The following CLASP2 variants were observed in gnomAD, a reference collection of about 807,000 sequenced individuals.
CLASP2 encodes cytoplasmic linker associated protein 2.
A neutral mutation model predicts 194.4 loss-of-function variants in CLASP2; 47 were observed. The observed-to-expected ratio is 0.24, with a 90% CI of 0.19 to 0.31. The LOEUF (loss-of-function observed/expected upper bound fraction) is 0.31, where lower values mean the gene tolerates loss of function less well. CLASP2 is among the 10% of genes least tolerant of loss of function. The probability of loss-of-function intolerance (pLI) is 1.00; values close to 1 mark genes in which losing one functional copy is unlikely to be tolerated. For missense variants in CLASP2, 1,445 were observed against 1,823.6 expected, an observed-to-expected ratio of 0.79 and a Z score of 3.78; for synonymous variants, 619 against 633.5, an observed-to-expected ratio of 0.98 and a Z score of 0.34.
At chr3:33,555,843 T>C (rs1451905435) in intron 29 of CLASP2, among the ~76,000 whole-genome samples, 3 of 152,256 alleles carry the variant, frequency 2.0e-5, no homozygotes, top group African/African-American at 4.8e-5. Flanking sequence ...GCCTTAGCAA[T>C]TTATCGTCAT....
chr3:33,591,602 C>A (rs1417929655), intron 21 of CLASP2, among the ~76,000 whole-genome samples: 1 of 152,168 alleles, frequency 6.6e-6, no homozygotes, highest in South Asian at 2.1e-4. Flanking sequence ...CAGAGTAAGA[C>A]CCCATCTCTC....
chr3:33,635,509 C>A (rs979314469), intron 8 of CLASP2, among the ~76,000 whole-genome samples: 2 of 152,074 alleles, frequency 1.3e-5, no homozygotes, highest in East Asian at 3.9e-4. Flanking sequence ...ACAAGACTTA[C>A]AAAGCTGAAA....
At position 33,666,566 on chromosome 3, in the gene CLASP2, C is replaced by T. The variant is rs540391622; in HGVS notation, c.645-3051G>A. ...CTGTTGTGACCAAATAATATTCCAT[C>T]GTATGGATTTACCACATTTTGTTTA... On this transcript the variant is annotated intron_variant, in intron 6 of 38. Coordinates refer to ENST00000682230, the MANE Select transcript of CLASP2 (RefSeq NM_001365631.1). Among the ~76,000 whole-genome samples the T allele has an allele frequency of 3.9e-5, 6 of 152,268 alleles. No homozygotes were observed. The South Asian group carries it at 6.2e-4, about 16-fold the overall frequency.
chr3:33,558,145 TC>T (rs2061272065), intron 29 of CLASP2, among the ~76,000 whole-genome samples: 1 of 152,178 alleles, frequency 6.6e-6, no homozygotes, highest in Non-Finnish European at 1.5e-5. Context: ...TGTTCCTCTT[TC>T]CCCTCAAGCT....
intron 34 of CLASP2, among the ~76,000 whole-genome samples, chr3:33,518,332 A>G (rs1412856015): frequency 6.6e-6 from 1 of 152,230 alleles, no homozygotes; most frequent in Non-Finnish European, 1.5e-5. Flanking sequence ...TTTTGTAGGA[A>G]TAACAGTTAA....
intron 30 of CLASP2, among the ~76,000 whole-genome samples, chr3:33,548,326 C>T (rs1246698669): frequency 6.6e-6 from 1 of 151,520 alleles, no homozygotes; most frequent in Non-Finnish European, 1.5e-5. Context: ...GAGACAGAGT[C>T]TCCCTCTGTT....
intron 8 of CLASP2, among the ~76,000 whole-genome samples, chr3:33,636,147 T>C (rs1239235925): frequency 2.6e-5 from 4 of 152,202 alleles, no homozygotes; most frequent in Admixed American, 1.3e-4. Context: ...ATAAGGGCTC[T>C]GTTCAAATAA....
intron 9 of CLASP2, among the ~76,000 whole-genome samples, chr3:33,631,967 A>G (rs1403356612): frequency 6.6e-6 from 1 of 152,208 alleles, no homozygotes; most frequent in Admixed American, 6.5e-5. Flanking sequence ...TGTCCACTTT[A>G]CTTCAATTAT....
chr3:33,578,404 G>C (rs1481774648), intron 23 of CLASP2, among the ~76,000 whole-genome samples: 1 of 151,968 alleles, frequency 6.6e-6, no homozygotes, highest in Non-Finnish European at 1.5e-5. Context: ...GAAATGAATA[G>C]CCAAAAAATG....
At chr3:33,673,756 A>C (rs910259711) in intron 6 of CLASP2, among the ~76,000 whole-genome samples, 1 of 152,218 alleles carries the variant, frequency 6.6e-6, no homozygotes, top group Non-Finnish European at 1.5e-5. Flanking sequence ...AGATCTACCA[A>C]GCAAACGGAA....
At chr3:33,549,008 A>G (rs1338048504) in intron 30 of CLASP2, among the ~76,000 whole-genome samples, 3 of 151,970 alleles carry the variant, frequency 2.0e-5, no homozygotes, top group East Asian at 1.9e-4. Flanking sequence ...CCCAGCCTCA[A>G]GTGATCCTCC....
At chr3:33,557,082 T>C (rs375453943) in intron 29 of CLASP2, among the ~76,000 whole-genome samples, 57 of 152,082 alleles carry the variant, frequency 3.7e-4, no homozygotes, top group African/African-American at 1.4e-3. Context: ...CAAGTGATTC[T>C]CCTGCCTCAG....
intron 8 of CLASP2, among the ~76,000 whole-genome samples, chr3:33,641,461 A>G (rs551055082): frequency 6.6e-6 from 1 of 152,136 alleles, no homozygotes; most frequent in South Asian, 2.1e-4. Context: ...AATGATACAT[A>G]TACTGTATGA....
intron 18 of CLASP2, among the ~76,000 whole-genome samples, chr3:33,600,783 CCT>C (rs1218253529): frequency 3.3e-5 from 5 of 151,996 alleles, no homozygotes; most frequent in African/African-American, 1.2e-4. Context: ...TCAACCATCC[CCT>C]CTGTTACACA....
At chr3:33,639,536 T>C (rs1405795772) in intron 8 of CLASP2, among the ~76,000 whole-genome samples, 2 of 152,252 alleles carry the variant, frequency 1.3e-5, no homozygotes, top group Non-Finnish European at 2.9e-5. Flanking sequence ...TTTTTGTCAC[T>C]TTAATTTTTG....
chr3:33,499,852 G>A (rs1268097616), intron 38 of CLASP2, among the ~76,000 whole-genome samples: 1 of 152,054 alleles, frequency 6.6e-6, no homozygotes, highest in East Asian at 1.9e-4. Context: ...AGGTCACAGG[G>A]GTGGGTAAGA....
chr3:33,602,506 T>C (rs993113252), intron 18 of CLASP2: 6 of 754,960 alleles, frequency 7.9e-6, no homozygotes, highest in Non-Finnish European at 1.2e-5. Flanking sequence ...TCAAACTGAA[T>C]AGAGTTTTGG....
chr3:33,709,038 TCCCATTCAGTAGAA>T (rs1013028454), intron 1 of CLASP2, among the ~76,000 whole-genome samples: 10 of 152,228 alleles, frequency 6.6e-5, no homozygotes, highest in African/African-American at 2.4e-4. Context: ...CAGTATTTTC[TCCCATTCAGTAGAA>T]TGCCATTTTG....
chr3:33,584,599 C>G, intron 22 of CLASP2, 151 bp downstream of exon 22: 1 of 733,446 alleles, frequency 1.4e-6, no homozygotes, highest in East Asian at 2.9e-5. Flanking sequence ...TAATTCAACT[C>G]ATAAACTATT....
Sources: allele counts gnomAD v4.1 joint callset (sites outside exome capture counted in the v4.1 genomes callset), GRCh38; gene constraint gnomAD v4.1.1; transcripts MANE v1.5; gene names NCBI Gene and HGNC (gene_info 2026-07-23, HGNC 2026-07-21).